The following EXOC3 variants were observed in gnomAD, a reference collection of about 807,000 sequenced individuals.
The protein encoded by EXOC3 is exocyst complex component 3.
EXOC3 carries 21 observed loss-of-function variants against 73.7 expected under a neutral mutation model. The observed-to-expected ratio is 0.29, with a 90% confidence interval of 0.20 to 0.41. The LOEUF is 0.41. EXOC3 is among the 10% of genes least tolerant of loss of function. The pLI, the probability that EXOC3 is intolerant of heterozygous loss-of-function variation, is 1.00. For synonymous variants in EXOC3, 410 were observed against 389.1 expected, an observed-to-expected ratio of 1.05 and a Z score of -0.63; for missense variants, 842 against 985.1, an observed-to-expected ratio of 0.85 and a Z score of 1.95.
rs565374942 is a variant in EXOC3 at position 465,272 on chromosome 5, C to T, written c.1938C>T (p.Ser646=). 1.1e-5 allele frequency: 18 copies of T among 1,577,860 alleles called. No individual in the cohort carries two copies. The East Asian group carries it at 1.9e-4, about 16-fold the overall frequency. ...GCTTCCTGTTCCGGAAGCTGGCGTC[C>T]GTGAGTGTCGCGCAGGTCCGGGCTG... ...QLRFLFRKLA[S]GFGEDVDGYC... The change falls in exon 11 of 13, where the codon TCC becomes TCT. Residue 646 remains serine (S), a splice_region_variant and synonymous_variant. Coordinates refer to ENST00000512944, the MANE Select transcript of EXOC3 (RefSeq NM_007277.5).
At chr5:465,434 T>A (rs1738115150) in intron 11 of EXOC3, among the ~76,000 whole-genome samples, 162 bp downstream of exon 11, 2 of 152,204 alleles carry the variant, frequency 1.3e-5, no homozygotes, top group Non-Finnish European at 2.9e-5. Context: ...TGGACACGAA[T>A]GTCCACAGAG....
intron 12 of EXOC3, chr5:466,475 C>G (rs1738155271): frequency 9.9e-6 from 5 of 504,500 alleles, no homozygotes; most frequent in African/African-American, 1.9e-5. Context: ...CACGGTCTCC[C>G]CTCTGGTTGG....
In EXOC3 at chr5:453,437, G is replaced by A. The variant is rs1231965873; in HGVS notation, c.432G>A (p.Lys144=). 2.5e-6 allele frequency: 4 copies of A among 1,610,134 alleles called. No homozygotes were observed. The South Asian group carries it at 4.4e-5, about 18-fold the overall frequency. ...EQGALLQAHR[K]LMDLECSRDG... is the part of the protein sequence containing the mutation. ...GGGCACTCCTGCAAGCCCACCGGAAGCTGATGGACCTGGAGTGCTCCCGGG... is the reference window on the plus strand; with the variant it reads ...GGGCACTCCTGCAAGCCCACCGGAAACTGATGGACCTGGAGTGCTCCCGGG... The change falls in exon 4 of 13, where the codon AAG becomes AAA. Residue 144 remains lysine (K), a synonymous_variant. Coordinates refer to ENST00000512944, the MANE Select transcript of EXOC3 (RefSeq NM_007277.5).
intron 9 of EXOC3, 117 bp from the exon 10 acceptor site, chr5:464,173 C>G (rs1255582986): frequency 9.9e-6 from 10 of 1,011,340 alleles, no homozygotes; most frequent in Non-Finnish European, 1.4e-5. Flanking sequence ...GCCTCCCTCC[C>G]ACACTGCACG....
Position 462,006 on chromosome 5 carries a change from C to G in EXOC3, c.1438C>G (p.Arg480Gly). 6.2e-7 allele frequency: 1 copy of G among 1,605,886 alleles called. No homozygotes were observed. Among genetic ancestry groups the G allele is most frequent in the Admixed American group, 1.7e-5 (1 of 58,786 alleles). ...GTATAAAGAAGAGCACCTGAGGAAT[C>G]GGCAGCACCCTCACTGCTACGTTCA... ...QLYKEEHLRNRQHPHCYVQYM... is the reference protein window; with the variant it reads ...QLYKEEHLRNGQHPHCYVQYM... The change falls in exon 8 of 13, where the codon CGG becomes GGG. Residue 480 changes from arginine (R) to glycine (G), a missense_variant. Coordinates refer to ENST00000512944, the MANE Select transcript of EXOC3 (RefSeq NM_007277.5).
intron 2 of EXOC3, chr5:447,232 G>T (rs184374989): frequency 3.3e-6 from 1 of 303,560 alleles, no homozygotes; most frequent in East Asian, 6.9e-5. Flanking sequence ...CCACGGCCCA[G>T]GGCAGACCCG....
chr5:446,239 G>A lies in EXOC3; in HGVS notation c.34G>A (p.Ala12Thr), dbSNP rs1737501848. Residue 12 changes from alanine to threonine, a missense_variant, in exon 2 of 13, where the codon GCA becomes ACA. Physicochemically the swap from Ala to Thr is moderately conservative, Grantham distance 58 (BLOSUM62 0). Transcript: ENST00000512944. ...KETDREAVATAVQRVAGMLQR... is the reference protein window; with the variant it reads ...KETDREAVATTVQRVAGMLQR... ...GACAGACCGGGAGGCCGTTGCGACA[G>A]CAGTGCAAAGGGTTGCTGGGATGCT... 6.2e-7 allele frequency: 1 copy of A among 1,613,894 alleles called. No individual in the cohort carries two copies. Among genetic ancestry groups the A allele is most frequent in the Non-Finnish European group, 8.5e-7 (1 of 1,179,890 alleles).
At chr5:456,779 T>G in intron 4 of EXOC3, 110 bp from the exon 5 acceptor site, 1 of 826,464 alleles carries the variant, frequency 1.2e-6, no homozygotes, top group South Asian at 1.6e-5. Context: ...GACCAGGAAG[T>G]CTCCAGGGTG....
At chr5:461,572 CA>C (rs1382987979) in intron 7 of EXOC3, 1 of 190,118 alleles carries the variant, frequency 5.3e-6, no homozygotes, top group Admixed American at 5.5e-5. Flanking sequence ...AAGGTCTCAC[CA>C]CTGCACTCCA....
Position 453,569 on chromosome 5 carries a change from T to C in EXOC3, c.564T>C (p.Ala188=), listed in dbSNP as rs759080068. 1.2e-6 allele frequency: 2 copies of C among 1,614,028 alleles called. No individual in the cohort carries two copies. The highest frequency in any genetic ancestry group is 3.3e-5 in the Admixed American group (2 of 60,030). ...GSTQGLSDEL[A]KQLWMVLQRS... The stretch of plus-strand genomic sequence containing the variant: ...CGCAGGGGCTCTCTGATGAGCTGGC[T>C]AAGCAGCTGTGGATGGTGCTGCAGA... Residue 188 remains alanine, a synonymous_variant, in exon 4 of 13, where the codon GCT becomes GCC. Coordinates refer to ENST00000512944, the MANE Select transcript of EXOC3 (RefSeq NM_007277.5).
chr5:467,194 C>A lies in EXOC3; in HGVS notation c.*296C>A. ...GTGGGGCACAGAGGACGTGCACCTCCCTGCCCTCCTCCTCCCTGGGCCTTC... is the reference window on the plus strand; with the variant it reads ...GTGGGGCACAGAGGACGTGCACCTCACTGCCCTCCTCCTCCCTGGGCCTTC... On this transcript the variant is annotated 3_prime_UTR_variant, in exon 13 of 13. Transcript: ENST00000512944. 2.7e-6 allele frequency: 1 copy of A among 374,774 alleles called. No homozygotes were observed. Among genetic ancestry groups the A allele is most frequent in the South Asian group, 6.9e-5 (1 of 14,582 alleles). The allele number at this position is 374,774 out of a possible 1,614,324, so 23.2% of individuals were successfully genotyped here.
intron 10 of EXOC3, 120 bp from the exon 11 acceptor site, chr5:464,991 G>A: frequency 3.9e-6 from 4 of 1,034,498 alleles, no homozygotes; most frequent in Admixed American, 2.9e-5. Context: ...GTGGCGGAGC[G>A]AGGAGGAGTG....
chr5:457,268 GC>G (rs1442338700), intron 5 of EXOC3: 3 of 490,138 alleles, frequency 6.1e-6, no homozygotes, highest in African/African-American at 5.9e-5. Flanking sequence ...GCTGGCCAGG[GC>G]CCAGAACGTC....
Position 465,855 on chromosome 5 carries a change from G to A in EXOC3, c.2066+10G>A. 1.2e-6 allele frequency: 2 copies of A among 1,604,820 alleles called. No individual in the cohort carries two copies. Among genetic ancestry groups the A allele is most frequent in the Non-Finnish European group, 1.7e-6 (2 of 1,175,558 alleles). On this transcript the variant is annotated intron_variant, in intron 12 of 12. Coordinates refer to ENST00000512944, the MANE Select transcript of EXOC3 (RefSeq NM_007277.5). ...AGTATCCAGACATCAGGTAAGGGAT[G>A]CACGTCTTAGAATCCTGCCTTAGAA...
chr5:457,684 G>A, intron 5 of EXOC3: 1 of 518,582 alleles, frequency 1.9e-6, no homozygotes, highest in Non-Finnish European at 3.5e-6. Context: ...TCTGTACCAA[G>A]GGTTCCAGTT....
chr5:453,277 CTT>C, intron 3 of EXOC3, 91 bp from the exon 4 acceptor site: 1 of 908,542 alleles, frequency 1.1e-6, no homozygotes, highest in Non-Finnish European at 1.7e-6. Context: ...GGAGATGTGG[CTT>C]CCTGCTCTGC....
chr5:447,452 C>T (rs774470910), intron 2 of EXOC3, 81 bp from the exon 3 acceptor site: 19 of 1,020,212 alleles, frequency 1.9e-5, no homozygotes, highest in Non-Finnish European at 2.5e-5. Context: ...TGAACTTGAC[C>T]CTCCTGGGGA....
At chr5:452,250 A>G (rs1001958914) in intron 3 of EXOC3, among the ~76,000 whole-genome samples, 2 of 151,994 alleles carry the variant, frequency 1.3e-5, no homozygotes, top group Non-Finnish European at 2.9e-5. Context: ...CGGATACTTG[A>G]TATTTCCCAT....
At chr5:450,948 A>C (rs886064708) in intron 3 of EXOC3, among the ~76,000 whole-genome samples, 2 of 152,100 alleles carry the variant, frequency 1.3e-5, no homozygotes, top group African/African-American at 4.8e-5. Context: ...GAACACATAG[A>C]GTTGAATCAT....
Sources: allele counts gnomAD v4.1 joint callset (sites outside exome capture counted in the v4.1 genomes callset), GRCh38; gene constraint gnomAD v4.1.1; transcripts MANE v1.5; gene names NCBI Gene and HGNC (gene_info 2026-07-23, HGNC 2026-07-21).